The following AUTS2 variants were observed in gnomAD, a reference collection of about 807,000 sequenced individuals.
AUTS2 encodes activator of transcription and developmental regulator AUTS2, also known as autism susceptibility gene 2 protein.
In AUTS2, 17 loss-of-function variants were observed where a neutral mutation model predicts 112.4. That is an observed-to-expected ratio of 0.15 (90% confidence interval 0.10 to 0.23). The LOEUF (loss-of-function observed/expected upper bound fraction) is 0.23. AUTS2 is among the 10% of genes least tolerant of loss of function. AUTS2 has a pLI of 1.00. For missense variants in AUTS2, 1,510 were observed against 1,701.6 expected (o/e 0.89, Z 1.98); for synonymous variants, 751 against 702.7 (o/e 1.07, Z -1.09).
chr7:69,685,352 C>A (rs925129653), intron 1 of AUTS2, among the ~76,000 whole-genome samples: 6 of 152,200 alleles, frequency 3.9e-5, no homozygotes, highest in African/African-American at 1.4e-4. Context: ...TGGATAGGAG[C>A]CTGTTCATTT....
chr7:70,577,775 A>G (rs1232053270), intron 5 of AUTS2, among the ~76,000 whole-genome samples: 1 of 152,092 alleles, frequency 6.6e-6, no homozygotes, highest in East Asian at 1.9e-4. Context: ...TGGCAACATC[A>G]TAAAGCATTT....
At chr7:70,117,137 G>A (rs202114117) in intron 2 of AUTS2, among the ~76,000 whole-genome samples, 1 of 61,998 alleles carries the variant, frequency 1.6e-5, no homozygotes, top group Admixed American at 1.6e-4. Flanking sequence ...GTTTTTTTTT[G>A]TTTTTTTTTT....
At chr7:69,864,933 C>T (rs1385693331) in intron 1 of AUTS2, among the ~76,000 whole-genome samples, 1 of 151,996 alleles carries the variant, frequency 6.6e-6, no homozygotes, top group Non-Finnish European at 1.5e-5. Flanking sequence ...TATTGGAAGA[C>T]CCATCTGCTC....
chr7:69,749,360 T>C (rs754315615), intron 1 of AUTS2, among the ~76,000 whole-genome samples: 10 of 152,196 alleles, frequency 6.6e-5, no homozygotes, highest in African/African-American at 9.7e-5. Context: ...TTTTAGAAAA[T>C]GTTCATCTCC....
chr7:69,835,052 C>T (rs188587297), intron 1 of AUTS2, among the ~76,000 whole-genome samples: 67 of 151,868 alleles, frequency 4.4e-4, no homozygotes, highest in Non-Finnish European at 7.5e-4. Flanking sequence ...AGTCAGGAAT[C>T]TTGTATATTT....
intron 5 of AUTS2, among the ~76,000 whole-genome samples, chr7:70,471,983 G>A (rs1458339611): frequency 1.3e-5 from 2 of 152,140 alleles, no homozygotes; most frequent in Admixed American, 6.5e-5. Context: ...AGAGAGGTCA[G>A]TTATGGCTGG....
chr7:70,429,584 G>A (rs564669947), intron 4 of AUTS2, among the ~76,000 whole-genome samples: 2 of 152,186 alleles, frequency 1.3e-5, no homozygotes, highest in South Asian at 2.1e-4. Flanking sequence ...CACACAATGC[G>A]AGGATGCCAA....
chr7:69,989,019 ATT>A (rs1158573312), intron 2 of AUTS2, among the ~76,000 whole-genome samples: 2 of 152,230 alleles, frequency 1.3e-5, no homozygotes, highest in Non-Finnish European at 2.9e-5. Context: ...GCGTATCATG[ATT>A]TTGAGCAGGA....
intron 6 of AUTS2, among the ~76,000 whole-genome samples, chr7:70,753,575 T>C (rs1788997158): frequency 1.3e-5 from 2 of 152,150 alleles, no homozygotes; most frequent in Admixed American, 1.3e-4. Flanking sequence ...TTCAAGTAAT[T>C]GAATCTTCTA....
chr7:69,873,418 CTTTTTT>C (rs36005575), intron 1 of AUTS2, among the ~76,000 whole-genome samples: 1 of 125,486 alleles, frequency 8.0e-6, no homozygotes, highest in Non-Finnish European at 1.7e-5. Context: ...GGGGCTCAGG[CTTTTTT>C]TTTTTTTTTT....
chr7:70,275,346 C>A (rs932342318), intron 4 of AUTS2, among the ~76,000 whole-genome samples: 1 of 152,068 alleles, frequency 6.6e-6, no homozygotes, highest in African/African-American at 2.4e-5. Flanking sequence ...TATGAGGTAC[C>A]TAGAGTAGTC....
At chr7:69,820,491 A>C (rs981033546) in intron 1 of AUTS2, among the ~76,000 whole-genome samples, 12 of 152,256 alleles carry the variant, frequency 7.9e-5, no homozygotes, top group Non-Finnish European at 4.4e-5. Flanking sequence ...ATTTATGCTA[A>C]AGTTTGACAA....
At chr7:70,562,804 A>G (rs1380220864) in intron 5 of AUTS2, among the ~76,000 whole-genome samples, 1 of 152,252 alleles carries the variant, frequency 6.6e-6, no homozygotes, top group Non-Finnish European at 1.5e-5. Flanking sequence ...GAATAACTAT[A>G]GGTGTTTACC....
At chr7:70,287,639 G>A (rs1219360781) in intron 4 of AUTS2, among the ~76,000 whole-genome samples, 1 of 152,014 alleles carries the variant, frequency 6.6e-6, no homozygotes, top group Non-Finnish European at 1.5e-5. Flanking sequence ...ACCTACAAGA[G>A]GTAGGGAGAA....
intron 1 of AUTS2, among the ~76,000 whole-genome samples, chr7:69,731,151 G>A (rs929650530): frequency 2.0e-5 from 3 of 152,144 alleles, no homozygotes; most frequent in African/African-American, 7.2e-5. Context: ...AATTAGCCAG[G>A]TGTGGTGGTA....
chr7:70,732,352 C>T (rs1787466962), intron 6 of AUTS2, among the ~76,000 whole-genome samples: 1 of 152,136 alleles, frequency 6.6e-6, no homozygotes, highest in East Asian at 1.9e-4. Flanking sequence ...GCTTCCATGT[C>T]CTGAGCACTT....
chr7:70,346,643 A>C (rs1791508874), intron 4 of AUTS2, among the ~76,000 whole-genome samples: 1 of 152,180 alleles, frequency 6.6e-6, no homozygotes, highest in African/African-American at 2.4e-5. Flanking sequence ...TTAGTACCAT[A>C]GACACAGTCT....
At chr7:70,265,357 TG>T (rs1787366834) in intron 4 of AUTS2, among the ~76,000 whole-genome samples, 1 of 152,222 alleles carries the variant, frequency 6.6e-6, no homozygotes, top group Non-Finnish European at 1.5e-5. Context: ...GAATTAAGTA[TG>T]CAGTTTGTCT....
chr7:70,640,051 G>A (rs1805730849), intron 5 of AUTS2, among the ~76,000 whole-genome samples: 1 of 152,130 alleles, frequency 6.6e-6, no homozygotes, highest in South Asian at 2.1e-4. Context: ...GATTAAGGCT[G>A]TCAGGCAGAA....
Sources: gnomAD v4.1 joint callset for allele counts (sites outside exome capture counted in the v4.1 genomes callset) on GRCh38, gnomAD v4.1.1 for gene constraint, MANE v1.5 for transcripts, NCBI Gene and HGNC (gene_info 2026-07-23, HGNC 2026-07-21) for gene names.